Variants in XPO7 observed in about 807,000 individuals in gnomAD.
XPO7 encodes the protein exportin-7.
Under a neutral mutation model 144.3 loss-of-function variants are expected in XPO7, and 21 were observed. The observed-to-expected ratio is 0.15, with a 90% CI of 0.10 to 0.21. The LOEUF (loss-of-function observed/expected upper bound fraction) is 0.21, where lower values mean the gene tolerates loss of function less well. Among genes scored for constraint, XPO7 ranks in the 10% least tolerant of loss-of-function variants. The pLI is 1.00. For missense variants in XPO7, 808 were observed against 1,325.8 expected (o/e 0.61, Z 6.06); for synonymous variants, 580 against 499.6 (o/e 1.16, Z -2.15).
intron 1 of XPO7, among the ~76,000 whole-genome samples, chr8:21,938,824 C>T (rs1047446490): frequency 3.3e-5 from 5 of 151,964 alleles, no homozygotes; most frequent in Non-Finnish European, 5.9e-5. Flanking sequence ...GAGACTATCT[C>T]AAGATCCCAG....
intron 2 of XPO7, among the ~76,000 whole-genome samples, chr8:21,967,525 G>T (rs1315591946): frequency 1.3e-5 from 2 of 152,026 alleles, no homozygotes; most frequent in African/African-American, 4.8e-5. Context: ...TAGAGACGGG[G>T]TTTCTCCGTG....
chr8:21,980,018 C>A (rs1181458171), intron 8 of XPO7, 66 bp from the exon 9 acceptor site: 21 of 1,435,162 alleles, frequency 1.5e-5, no homozygotes, highest in Non-Finnish European at 1.9e-5. Context: ...GGAGGTGGAA[C>A]GTTTCTGGTG....
At chr8:21,990,680 A>T in intron 17 of XPO7, 131 bp from the exon 18 acceptor site, 1 of 989,606 alleles carries the variant, frequency 1.0e-6, no homozygotes, top group Non-Finnish European at 1.5e-6. Flanking sequence ...AAAAAAAAAA[A>T]ACCTTCAGAT....
chr8:21,998,790 A>C lies in XPO7; in HGVS notation c.2381A>C (p.Asn794Thr). ...CTCCAGTTTGATGTCTCTTCCCCCA[A>C]TGGCATCTTACTCTTCCGAGAAACC... ...QRLQFDVSSP[N>T]GILLFRETSK... The change falls in exon 22 of 28, where the codon AAT (asparagine) becomes ACT (threonine). Residue 794 changes from asparagine to threonine, a missense_variant. Physicochemically the swap from Asn to Thr is moderately conservative, Grantham distance 65. Around this residue, in one of 5 missense-constraint regions of XPO7, gnomAD observed 416 missense variants for 612.5 expected, o/e 0.68. Coordinates refer to ENST00000252512, the MANE Select transcript of XPO7 (RefSeq NM_015024.5). 1 of 1,613,878 alleles carries C rather than the reference A, an allele frequency of 6.2e-7. No homozygotes were observed. Among genetic ancestry groups the C allele is most frequent in the Non-Finnish European group, 8.5e-7 (1 of 1,179,856 alleles).
intron 11 of XPO7, among the ~76,000 whole-genome samples, chr8:21,983,502 T>C (rs1172602941): frequency 6.6e-6 from 1 of 152,214 alleles, no homozygotes; most frequent in Non-Finnish European, 1.5e-5. Context: ...CCAAGTGCAT[T>C]GAATAGTCAT....
At chr8:21,951,550 C>G (rs1811374607) in intron 1 of XPO7, among the ~76,000 whole-genome samples, 1 of 152,180 alleles carries the variant, frequency 6.6e-6, no homozygotes, top group Admixed American at 6.5e-5. Flanking sequence ...TTCAGAGTCA[C>G]ATAAATAGTC....
intron 1 of XPO7, among the ~76,000 whole-genome samples, chr8:21,929,098 G>T (rs911972613): frequency 6.6e-6 from 1 of 152,204 alleles, no homozygotes; most frequent in African/African-American, 2.4e-5. Flanking sequence ...AAGTTCTTCA[G>T]TTGTACCAAC....
chr8:22,003,824 C>T, intron 26 of XPO7, 79 bp from the exon 27 acceptor site: 1 of 1,592,268 alleles, frequency 6.3e-7, no homozygotes, highest in Non-Finnish European at 8.6e-7. Flanking sequence ...GAAGAACATT[C>T]TTCAACCCTG....
At chr8:21,994,871 G>C (rs1424365762) in intron 20 of XPO7, among the ~76,000 whole-genome samples, 1 of 152,012 alleles carries the variant, frequency 6.6e-6, no homozygotes, top group African/African-American at 2.4e-5. Context: ...GGCTAACACG[G>C]TGAAACCCCG....
At chr8:21,988,788 A>G in intron 15 of XPO7, 1 of 550,382 alleles carries the variant, frequency 1.8e-6, no homozygotes, top group Non-Finnish European at 3.2e-6. Context: ...CTTTGGAACC[A>G]AGTAGTGAAG....
chr8:21,989,208 C>A, intron 16 of XPO7, 125 bp downstream of exon 16: 1 of 914,788 alleles, frequency 1.1e-6, no homozygotes, highest in Non-Finnish European at 1.6e-6. Context: ...CTTCCATTTT[C>A]CTAGGAGTCC....
At chr8:21,967,878 A>G (rs1010196452) in intron 2 of XPO7, among the ~76,000 whole-genome samples, 2 of 152,214 alleles carry the variant, frequency 1.3e-5, no homozygotes, top group Admixed American at 6.5e-5. Context: ...TATCTTTGGC[A>G]AGATGGAAGT....
rs561572521 is a variant in XPO7 at position 21,947,172 on chromosome 8, A to G, written c.19-19685A>G. Among the ~76,000 whole-genome samples, 15 of 152,346 alleles carry G rather than the reference A, an allele frequency of 9.8e-5. No individual in the cohort carries two copies. The South Asian group carries it at 1.7e-3, about 17-fold the overall frequency. ...ATAGTATTATCTAATGTTTAGGGCT[A>G]TGGAGACAAAGCCAAAATAAGGGAC... On this transcript the variant is annotated intron_variant, in intron 1 of 27. Transcript: ENST00000252512.
At chr8:21,922,694 AAAGG>A (rs991910579) in intron 1 of XPO7, among the ~76,000 whole-genome samples, 1 of 152,176 alleles carries the variant, frequency 6.6e-6, no homozygotes, top group African/African-American at 2.4e-5. Context: ...CTCGAGAGGA[AAAGG>A]AAGGAAAGAA....
chr8:21,943,122 G>A (rs1317258479), intron 1 of XPO7, among the ~76,000 whole-genome samples: 1 of 152,154 alleles, frequency 6.6e-6, no homozygotes, highest in Non-Finnish European at 1.5e-5. Context: ...CTAAGTTTCA[G>A]TAACCCCCAG....
chr8:22,004,845 T>G, intron 27 of XPO7, 150 bp from the exon 28 acceptor site: 1 of 494,902 alleles, frequency 2.0e-6, no homozygotes, highest in Non-Finnish European at 3.5e-6. Flanking sequence ...ACTTTTCTCT[T>G]AGAGTCTTAA....
At chr8:21,954,615 CAG>C (rs1291484196) in intron 1 of XPO7, among the ~76,000 whole-genome samples, 2 of 152,070 alleles carry the variant, frequency 1.3e-5, no homozygotes, top group African/African-American at 4.8e-5. Context: ...GCCTGGGCAA[CAG>C]AGTGAGACTC....
At chr8:21,969,313 GCTAT>G (rs1563325806) in intron 2 of XPO7, among the ~76,000 whole-genome samples, 166 bp from the exon 3 acceptor site, 3 of 99,638 alleles carry the variant, frequency 3.0e-5, no homozygotes, top group Non-Finnish European at 5.7e-5. Flanking sequence ...ATAAACTTAT[GCTAT>G]GTGGTTCATT....
intron 3 of XPO7, 46 bp downstream of exon 3, chr8:21,969,622 T>C (rs368087619): frequency 1.2e-5 from 18 of 1,519,136 alleles, no homozygotes; most frequent in Non-Finnish European, 1.5e-5. Flanking sequence ...ATAGTTTGTT[T>C]AGTGATGTGC....
Sources: allele counts gnomAD v4.1 joint callset (sites outside exome capture counted in the v4.1 genomes callset), GRCh38; gene constraint gnomAD v4.1.1; regional missense constraint gnomAD v4.1.1; transcripts MANE v1.5; gene names NCBI Gene and HGNC (gene_info 2026-07-23, HGNC 2026-07-21).